Variants in ITGA4 observed in about 807,000 individuals in gnomAD.
ITGA4 encodes the protein integrin subunit alpha 4, also known as integrin alpha-4.
Under a neutral mutation model 133.6 loss-of-function variants are expected in ITGA4, and 63 were observed. The ratio of observed to expected loss-of-function variants is 0.47; its 90% CI spans 0.38 to 0.58. The LOEUF (loss-of-function observed/expected upper bound fraction) is 0.58. Ranked by LOEUF, ITGA4 falls within the 20% of genes least tolerant of loss-of-function variation. The pLI is 0.00. For missense variants in ITGA4, 1,076 were observed against 1,252.7 expected (o/e 0.86, Z 2.13); for synonymous variants, 483 against 438.0 (o/e 1.10, Z -1.28).
chr2:181,534,228 T>C (rs1315013777), intron 25 of ITGA4, 44 bp from the exon 26 acceptor site: 6 of 1,168,974 alleles, frequency 5.1e-6, no homozygotes, highest in African/African-American at 1.5e-5. Context: ...ATTATGTCTT[T>C]ATGAAATAAA....
intron 9 of ITGA4, among the ~76,000 whole-genome samples, chr2:181,484,164 C>T (rs1685864146): frequency 6.6e-6 from 1 of 152,118 alleles, no homozygotes; most frequent in South Asian, 2.1e-4. Context: ...AGTATAGATG[C>T]CTTGTGGAGA....
At chr2:181,522,723 T>G (rs1328053478) in intron 18 of ITGA4, among the ~76,000 whole-genome samples, 1 of 152,214 alleles carries the variant, frequency 6.6e-6, no homozygotes, top group Non-Finnish European at 1.5e-5. Context: ...CTCAGACAAT[T>G]AATAGAATTT....
At chr2:181,465,210 AT>A (rs1481247771) in intron 2 of ITGA4, among the ~76,000 whole-genome samples, 3 of 152,224 alleles carry the variant, frequency 2.0e-5, no homozygotes, top group African/African-American at 7.2e-5. Flanking sequence ...TTAGACTACA[AT>A]CATTTTGTCT....
At chr2:181,458,757 C>G (rs1419924493) in intron 2 of ITGA4, 1 of 158,920 alleles carries the variant, frequency 6.3e-6, no homozygotes, top group African/African-American at 2.4e-5. Flanking sequence ...GATCCCATAT[C>G]CCGTCGTTTA....
At position 181,457,711 on chromosome 2, in the gene ITGA4, G is replaced by A; in HGVS notation, c.57G>A (p.Thr19=). 2 of 1,612,402 alleles carry A rather than the reference G, an allele frequency of 1.2e-6. No individual in the cohort carries two copies. The highest frequency in any genetic ancestry group is 1.7e-6 in the Non-Finnish European group (2 of 1,179,676). ...PGPRRAAVRE[T]VMLLLCLGVP... is the part of the protein sequence containing the mutation. ...CCCGAAGGGCCGCCGTCCGGGAGAC[G>A]GTGATGCTGTTGCTGTGCCTGGGGG... is the stretch of plus-strand genomic sequence containing the variant. Residue 19 remains threonine, a synonymous_variant, in exon 1 of 28, where the codon ACG becomes ACA. Coordinates refer to ENST00000397033, the MANE Select transcript of ITGA4 (RefSeq NM_000885.6).
rs77163520 is a variant in ITGA4, at chr2:181,513,347, G to A, written c.1922+1572G>A. On this transcript the variant is annotated intron_variant, in intron 17 of 27. Transcript: ENST00000397033. ...TGCCCTATAGTTTCAATCTGTCCAG[G>A]CACTATCCAGGAATGACATGGACAT... Among the ~76,000 whole-genome samples, 569 of 152,096 alleles carry A rather than the reference G, an allele frequency of 3.7e-3. 4 individuals carry two copies. The highest frequency in any genetic ancestry group is 0.013 in the African/African-American group (530 of 41,506).
chr2:181,532,073 G>A (rs373684334), intron 25 of ITGA4, among the ~76,000 whole-genome samples: 7 of 152,146 alleles, frequency 4.6e-5, no homozygotes, highest in East Asian at 1.9e-4. Flanking sequence ...CCAGGAGTTC[G>A]AGACCAGTTG....
intron 2 of ITGA4, among the ~76,000 whole-genome samples, chr2:181,465,286 C>G (rs899805440): frequency 1.1e-4 from 16 of 152,162 alleles, no homozygotes; most frequent in African/African-American, 3.9e-4. Context: ...CCTTTGATAT[C>G]TGTAACTCCT....
chr2:181,487,897 A>G (rs566687917), intron 10 of ITGA4, among the ~76,000 whole-genome samples: 1 of 152,342 alleles, frequency 6.6e-6, no homozygotes, highest in Non-Finnish European at 1.5e-5. Flanking sequence ...ATGTTTATGC[A>G]TTTTGATTTG....
intron 2 of ITGA4, among the ~76,000 whole-genome samples, chr2:181,465,819 C>G (rs995035436): frequency 2.0e-5 from 3 of 152,122 alleles, no homozygotes. Context: ...TCCTTCCCCA[C>G]TTACAAGTGG....
chr2:181,512,798 A>C (rs892217081), intron 17 of ITGA4, among the ~76,000 whole-genome samples: 4 of 152,126 alleles, frequency 2.6e-5, no homozygotes, highest in Non-Finnish European at 4.4e-5. Context: ...AGAAGTAGCC[A>C]AATGACAGGA....
At chr2:181,463,838 C>T (rs757221486) in intron 2 of ITGA4, among the ~76,000 whole-genome samples, 2 of 152,106 alleles carry the variant, frequency 1.3e-5, no homozygotes, top group Non-Finnish European at 2.9e-5. Flanking sequence ...TACCATCTCT[C>T]TGGGGTAAAT....
At chr2:181,492,221 A>G (rs1026323515) in intron 10 of ITGA4, among the ~76,000 whole-genome samples, 5 of 152,264 alleles carry the variant, frequency 3.3e-5, no homozygotes, top group Admixed American at 6.5e-5. Context: ...AAAACTTTGT[A>G]CAAGTCAAAA....
At chr2:181,526,358 T>C (rs1686830075) in intron 21 of ITGA4, among the ~76,000 whole-genome samples, 1 of 152,224 alleles carries the variant, frequency 6.6e-6, no homozygotes. Context: ...CTTTCCTGTT[T>C]CATGAGTTTC....
chr2:181,476,639 T>G (rs572057028), intron 4 of ITGA4, among the ~76,000 whole-genome samples: 1 of 152,188 alleles, frequency 6.6e-6, no homozygotes. Flanking sequence ...TCAGTCTATA[T>G]TTCAGTTGGG....
chr2:181,463,569 A>G (rs993346945), intron 2 of ITGA4, among the ~76,000 whole-genome samples: 7 of 152,168 alleles, frequency 4.6e-5, no homozygotes, highest in Admixed American at 1.3e-4. Context: ...AGAATGTTCC[A>G]AAGATGTTAC....
At position 181,512,505 on chromosome 2, in the gene ITGA4, AC is replaced by A. The variant is rs1390001631; in HGVS notation, c.1922+731del. Among the ~76,000 whole-genome samples, 31 of 152,230 alleles carry A rather than the reference AC, an allele frequency of 2.0e-4. No homozygotes were observed. The East Asian group carries it at 4.8e-3, about 24-fold the overall frequency. On this transcript the variant is annotated intron_variant, in intron 17 of 27. Transcript: ENST00000397033. ...GTGAATTTCACAGAGGAAAAAAATT[AC>A]AGATCAAATCTTGGAGGACAGTTTT...
At chr2:181,486,671 A>G (rs1246512422) in intron 10 of ITGA4, among the ~76,000 whole-genome samples, 1 of 152,210 alleles carries the variant, frequency 6.6e-6, no homozygotes, top group Non-Finnish European at 1.5e-5. Context: ...CCCTGCATCT[A>G]CTAGCATTTA....
rs113910166 is a variant in ITGA4, at chr2:181,495,434, C to G, written c.1385+18C>G. 6.3e-7 allele frequency: 1 copy of G among 1,583,298 alleles called. No homozygotes were observed. The stretch of plus-strand genomic sequence containing the variant: ...TTGCTAAGGTAAGACTGATATATTT[C>G]ACTGCTTAATTGCAATTTGGTTTAA... On this transcript the variant is annotated intron_variant, in intron 13 of 27. Transcript: ENST00000397033. The surrounding 1 kb of genome is among the most constrained non-coding windows in gnomAD (Gnocchi z 4.3).
Sources: allele counts gnomAD v4.1 joint callset (sites outside exome capture counted in the v4.1 genomes callset), GRCh38; gene constraint gnomAD v4.1.1; non-coding constraint Gnocchi (gnomAD v3.1); transcripts MANE v1.5; gene names NCBI Gene and HGNC (gene_info 2026-07-23, HGNC 2026-07-21).